The following SLC44A5 variants were observed in gnomAD, a reference collection of about 807,000 sequenced individuals.
SLC44A5 encodes the protein choline transporter-like protein 5.
A neutral mutation model predicts 101.8 loss-of-function variants in SLC44A5; 57 were observed. The ratio of observed to expected loss-of-function variants is 0.56; its 90% CI spans 0.45 to 0.70. SLC44A5 has a LOEUF of 0.70. Among genes scored for constraint, SLC44A5 ranks in the 30% least tolerant of loss-of-function variants. The pLI, the probability that SLC44A5 is intolerant of heterozygous loss-of-function variation, is 0.00. For missense variants in SLC44A5, 737 were observed against 853.1 expected, an observed-to-expected ratio of 0.86 and a Z score of 1.70; for synonymous variants, 281 against 290.9, an observed-to-expected ratio of 0.97 and a Z score of 0.35.
chr1:75,349,446 A>G (rs1658482418), intron 3 of SLC44A5, among the ~76,000 whole-genome samples: 1 of 152,210 alleles, frequency 6.6e-6, no homozygotes, highest in African/African-American at 2.4e-5. Flanking sequence ...GGGAATAGAG[A>G]TATAGAGATG....
chr1:75,655,060 A>G, the SLC44A5 span, among the ~76,000 whole-genome samples: 5 of 152,178 alleles, frequency 3.3e-5, no homozygotes, highest in South Asian at 1.0e-3. Flanking sequence ...CCAGATTAAA[A>G]GATTAAACTA....
intron 2 of SLC44A5, among the ~76,000 whole-genome samples, chr1:75,538,540 T>C (rs2101943622): frequency 6.6e-6 from 1 of 152,348 alleles, no homozygotes; most frequent in African/African-American, 2.4e-5. Context: ...TTATTGGCAC[T>C]TAGCAAAATT....
In SLC44A5 at chr1:75,310,516, T is replaced by C. The variant is rs924679837; in HGVS notation, c.102-9831A>G. Among the ~76,000 whole-genome samples the C allele has an allele frequency of 4.6e-5, 7 of 152,336 alleles. 1 individual carries two copies. The highest frequency in any genetic ancestry group is 1.7e-4 in the African/African-American group (7 of 41,584). Reference sequence around the variant, plus strand: ...CTACCTGGAAGGTGCTTTAAAAAAGTGTTTTGCTTTTCAGCTTCTCTACTA... The same window carrying C: ...CTACCTGGAAGGTGCTTTAAAAAAGCGTTTTGCTTTTCAGCTTCTCTACTA... On this transcript the variant is annotated intron_variant, in intron 4 of 23. Coordinates refer to ENST00000370859, the MANE Select transcript of SLC44A5 (RefSeq NM_001130058.2).
At chr1:75,373,060 G>C (rs114465923) in intron 3 of SLC44A5, among the ~76,000 whole-genome samples, 1 of 152,146 alleles carries the variant, frequency 6.6e-6, no homozygotes, top group Non-Finnish European at 1.5e-5. Context: ...TTTAGAAGCA[G>C]AGTCAAAATA....
chr1:75,538,690 T>G (rs1671187443), intron 2 of SLC44A5, among the ~76,000 whole-genome samples: 1 of 152,240 alleles, frequency 6.6e-6, no homozygotes, highest in South Asian at 2.1e-4. Context: ...ACTGTCAGCT[T>G]ACTGTTTAAA....
chr1:75,260,856 C>T (rs1392428833), intron 6 of SLC44A5, among the ~76,000 whole-genome samples: 2 of 152,118 alleles, frequency 1.3e-5, no homozygotes, highest in African/African-American at 4.8e-5. Context: ...AATTAGAACT[C>T]AGGACTAAGA....
intron 4 of SLC44A5, among the ~76,000 whole-genome samples, chr1:75,315,538 A>G (rs1655626430): frequency 6.6e-6 from 1 of 152,154 alleles, no homozygotes; most frequent in South Asian, 2.1e-4. Context: ...ACTGTCTTTC[A>G]TCTCTTCTGC....
At chr1:75,262,303 T>G (rs995688802) in intron 6 of SLC44A5, among the ~76,000 whole-genome samples, 5 of 152,082 alleles carry the variant, frequency 3.3e-5, no homozygotes, top group African/African-American at 1.2e-4. Flanking sequence ...GGATACAAAA[T>G]CAATGTGCAA....
At chr1:75,354,922 A>G (rs190171696) in intron 3 of SLC44A5, among the ~76,000 whole-genome samples, 1 of 152,286 alleles carries the variant, frequency 6.6e-6, no homozygotes, top group Admixed American at 6.5e-5. Context: ...ACACCAATCC[A>G]AGGAGGGTCC....
At chr1:75,489,429 C>T (rs1205949710) in intron 2 of SLC44A5, among the ~76,000 whole-genome samples, 1 of 152,214 alleles carries the variant, frequency 6.6e-6, no homozygotes, top group Non-Finnish European at 1.5e-5. Flanking sequence ...TCTTTACGCT[C>T]ACCCTGTAAC....
rs770502497 is a variant in SLC44A5 at position 75,396,622 on chromosome 1, C to G, written c.14-1G>C. The G allele has an allele frequency of 6.2e-7, 1 of 1,612,640 alleles. No homozygotes were observed. Among genetic ancestry groups the G allele is most frequent in the South Asian group, 1.1e-5 (1 of 91,058 alleles). The stretch of plus-strand genomic sequence containing the variant: ...TCAGAGGGAGTATCTGCTGGTTTTT[C>G]TAGGAAAAAGCACAAAAGGCAAAAA... On this transcript the variant is annotated splice_acceptor_variant, in intron 2 of 23. Coordinates refer to ENST00000370859, the MANE Select transcript of SLC44A5 (RefSeq NM_001130058.2). LOFTEE classifies it high-confidence loss of function.
chr1:75,698,714 G>A, the SLC44A5 span, among the ~76,000 whole-genome samples: 1 of 152,168 alleles, frequency 6.6e-6, no homozygotes, highest in African/African-American at 2.4e-5. Flanking sequence ...CGAGCTACAG[G>A]AGGACACTCA....
At chr1:75,343,501 G>T (rs1658035123) in intron 3 of SLC44A5, among the ~76,000 whole-genome samples, 1 of 152,092 alleles carries the variant, frequency 6.6e-6, no homozygotes, top group Non-Finnish European at 1.5e-5. Flanking sequence ...CAAAGAAAAT[G>T]ACAATATAAC....
At chr1:75,472,083 T>TAAAAAAAAAAAAAAAA (rs11284319) in intron 2 of SLC44A5, among the ~76,000 whole-genome samples, 1 of 141,302 alleles carries the variant, frequency 7.1e-6, no homozygotes. Flanking sequence ...CCCCTGGGTT[T>TAAAAAAAAAAAAAAAA]AAAAAAAAAA....
At chr1:75,358,597 T>C (rs541275306) in intron 3 of SLC44A5, among the ~76,000 whole-genome samples, 35 of 152,170 alleles carry the variant, frequency 2.3e-4, no homozygotes, top group Non-Finnish European at 4.9e-4. Flanking sequence ...ACTTAAGGTA[T>C]ATTCCTTTAG....
chr1:75,683,328 T>A, the SLC44A5 span, among the ~76,000 whole-genome samples: 1 of 152,148 alleles, frequency 6.6e-6, no homozygotes, highest in Non-Finnish European at 1.5e-5. Context: ...GCGGCATTAT[T>A]CACAATAGCA....
intron 1 of SLC44A5, among the ~76,000 whole-genome samples, chr1:75,564,921 C>CTATTTT (rs1252769171): frequency 6.6e-6 from 1 of 152,110 alleles, no homozygotes; most frequent in Non-Finnish European, 1.5e-5. Context: ...TGCGCCCGGC[C>CTATTTT]TATTTTTATT....
the SLC44A5 span, among the ~76,000 whole-genome samples, chr1:75,700,604 A>C: frequency 6.6e-6 from 1 of 152,246 alleles, no homozygotes; most frequent in Non-Finnish European, 1.5e-5. Context: ...GAACTAGAGA[A>C]GCAAGAGCAA....
At chr1:75,298,282 AG>A (rs150286291) in intron 5 of SLC44A5, among the ~76,000 whole-genome samples, 5,499 of 152,094 alleles carry the variant, frequency 0.036, 320 homozygotes, top group African/African-American at 0.13. Flanking sequence ...TATATAGTTC[AG>A]GGATTAAAAA....
Sources: gnomAD v4.1 joint callset for allele counts (sites outside exome capture counted in the v4.1 genomes callset) on GRCh38, gnomAD v4.1.1 for gene constraint, MANE v1.5 for transcripts, NCBI Gene and HGNC (gene_info 2026-07-23, HGNC 2026-07-21) for gene names.